Variants in GPD1L observed in about 807,000 individuals in gnomAD.
GPD1L encodes the protein glycerol-3-phosphate dehydrogenase 1-like protein.
GPD1L carries 17 observed loss-of-function variants against 32.9 expected under a neutral mutation model. The observed-to-expected ratio is 0.52, with a 90% CI of 0.35 to 0.78. The LOEUF (loss-of-function observed/expected upper bound fraction) is 0.78, where lower values mean the gene tolerates loss of function less well. GPD1L is among the 30% of genes least tolerant of loss of function. GPD1L has a pLI of 0.01. For synonymous variants in GPD1L, 187 were observed against 165.9 expected (o/e 1.13, Z -0.98); for missense variants, 361 against 447.8 (o/e 0.81, Z 1.75).
rs771610382 is a variant in GPD1L at position 32,138,659 on chromosome 3, A to G, written c.298A>G (p.Ile100Val). 2.0e-5 allele frequency: 33 copies of G among 1,613,800 alleles called. No homozygotes were observed. Among genetic ancestry groups the G allele is most frequent in the Non-Finnish European group, 2.6e-5 (31 of 1,179,806 alleles). ...GGTGTTTGTCATTCCCCACCAGTTCATTCACAGAATCTGTGATGAGATCAC... is the reference window on the plus strand; with the variant it reads ...GGTGTTTGTCATTCCCCACCAGTTCGTTCACAGAATCTGTGATGAGATCAC... ...LLVFVIPHQFIHRICDEITGR... is the reference protein window; with the variant it reads ...LLVFVIPHQFVHRICDEITGR... Residue 100 changes from isoleucine to valine, a missense_variant, in exon 3 of 8, where the codon ATT becomes GTT. Physicochemically the swap from Ile to Val is conservative, Grantham distance 29. Transcript: ENST00000282541.
intron 4 of GPD1L, among the ~76,000 whole-genome samples, chr3:32,142,101 C>T (rs1421438441): frequency 6.7e-6 from 1 of 150,334 alleles, no homozygotes; most frequent in Non-Finnish European, 1.5e-5. Flanking sequence ...CAGCTGCATC[C>T]ATGCTGCAAA....
intron 7 of GPD1L, 59 bp downstream of exon 7, chr3:32,159,733 C>T: frequency 1.9e-6 from 2 of 1,028,328 alleles, no homozygotes; most frequent in Admixed American, 3.4e-5. Context: ...ATTCTCAGGA[C>T]TTCCAGCCCC....
At chr3:32,165,691 G>C in intron 7 of GPD1L, 123 bp from the exon 8 acceptor site, 1 of 714,626 alleles carries the variant, frequency 1.4e-6, no homozygotes, top group Non-Finnish European at 2.6e-6. Flanking sequence ...AATGTAGAAA[G>C]TGCTCACTGT....
intron 7 of GPD1L, among the ~76,000 whole-genome samples, chr3:32,164,908 G>A (rs1701124338): frequency 6.6e-6 from 1 of 152,148 alleles, no homozygotes; most frequent in Non-Finnish European, 1.5e-5. Flanking sequence ...ATGTGTGTGT[G>A]TGTATTTAAA....
At position 32,130,908 on chromosome 3, in the gene GPD1L, G is replaced by A. The variant is rs561852512; in HGVS notation, c.225+2655G>A. The stretch of plus-strand genomic sequence containing the variant: ...CACACCTGTAATCCCGGCTATACTC[G>A]GGAGGCTGAGGCAGGAGAATTGCCT... On this transcript the variant is annotated intron_variant, in intron 2 of 7. Coordinates refer to ENST00000282541, the MANE Select transcript of GPD1L (RefSeq NM_015141.4). 1.2e-4 allele frequency among the ~76,000 whole-genome samples: 19 copies of A among 152,096 alleles called. No individual in the cohort carries two copies. In the South Asian group the frequency reaches 2.7e-3, roughly 22 times the overall value.
At chr3:32,152,094 A>G (rs774428020) in intron 5 of GPD1L, among the ~76,000 whole-genome samples, 1 of 152,200 alleles carries the variant, frequency 6.6e-6, no homozygotes, top group African/African-American at 2.4e-5. Flanking sequence ...TATACTTACC[A>G]GTTCATCATC....
At chr3:32,138,933 T>C (rs1036500693) in intron 3 of GPD1L, among the ~76,000 whole-genome samples, 6 of 152,064 alleles carry the variant, frequency 3.9e-5, no homozygotes, top group African/African-American at 9.7e-5. Context: ...TGCAGCAGAC[T>C]AGCAGCAGCA....
intron 1 of GPD1L, among the ~76,000 whole-genome samples, chr3:32,125,040 T>TA (rs1188725175): frequency 2.0e-5 from 3 of 152,186 alleles, no homozygotes; most frequent in African/African-American, 7.2e-5. Context: ...CCAAAAAAAT[T>TA]ACTGTATAAA....
At chr3:32,163,583 G>T (rs1364590282) in intron 7 of GPD1L, among the ~76,000 whole-genome samples, 1 of 152,120 alleles carries the variant, frequency 6.6e-6, no homozygotes, top group Non-Finnish European at 1.5e-5. Context: ...TTATGTAATA[G>T]AAAATAATAT....
rs561967862 is a variant in GPD1L, at chr3:32,167,305, A to G, written c.*1395A>G. Reference sequence around the variant, plus strand: ...CATTTTTCTAGCCTAGCAAGTCCCAAACACATTACACTGAAGAGATTTTGG... The same window carrying G: ...CATTTTTCTAGCCTAGCAAGTCCCAGACACATTACACTGAAGAGATTTTGG... On this transcript the variant is annotated 3_prime_UTR_variant, in exon 8 of 8. Coordinates refer to ENST00000282541, the MANE Select transcript of GPD1L (RefSeq NM_015141.4). 5 of 152,388 alleles carry G rather than the reference A, an allele frequency of 3.3e-5. No individual in the cohort carries two copies. Among genetic ancestry groups the G allele is most frequent in the South Asian group, 4.1e-4 (2 of 4,824 alleles). The allele number at this position is 152,388 out of a possible 1,614,324, so 9.4% of individuals were successfully genotyped here. A position where few individuals can be genotyped will look rare whatever the true frequency, so the allele number is the denominator to read the frequency against.
intron 5 of GPD1L, chr3:32,151,382 T>C: frequency 1.5e-6 from 1 of 686,982 alleles, no homozygotes. Context: ...AGTTTAGCCA[T>C]GGTGACACTT....
chr3:32,136,249 A>G (rs1296617027), intron 2 of GPD1L, among the ~76,000 whole-genome samples: 1 of 152,226 alleles, frequency 6.6e-6, no homozygotes, highest in African/African-American at 2.4e-5. Flanking sequence ...CAGTAGTTCC[A>G]GACTTCACAG....
chr3:32,159,139 C>A, intron 6 of GPD1L, 30 bp downstream of exon 6: 1 of 1,532,482 alleles, frequency 6.5e-7, no homozygotes, highest in South Asian at 1.1e-5. Context: ...CCCGCACCCC[C>A]TCCTTCCTCA....
chr3:32,120,991 G>A (rs1207502766), intron 1 of GPD1L, among the ~76,000 whole-genome samples: 1 of 152,142 alleles, frequency 6.6e-6, no homozygotes, highest in African/African-American at 2.4e-5. Context: ...GCAGGCGGGT[G>A]TCCATCCAGC....
intron 2 of GPD1L, 97 bp from the exon 3 acceptor site, chr3:32,138,490 T>G: frequency 9.2e-7 from 1 of 1,092,230 alleles, no homozygotes; most frequent in Non-Finnish European, 1.4e-6. Context: ...GCTCTGCACA[T>G]AGTAGGCATC....
At chr3:32,128,902 T>C (rs1314351218) in intron 2 of GPD1L, among the ~76,000 whole-genome samples, 1 of 152,098 alleles carries the variant, frequency 6.6e-6, no homozygotes, top group Non-Finnish European at 1.5e-5. Context: ...AAAGTCAGGG[T>C]CAAGGCCTAA....
chr3:32,135,546 A>T lies in GPD1L; in HGVS notation c.226-3041A>T, dbSNP rs536684288. 1.7e-3 allele frequency among the ~76,000 whole-genome samples: 255 copies of T among 152,188 alleles called. 1 individual carries two copies. Among genetic ancestry groups the T allele is most frequent in the Admixed American group, 3.0e-3 (46 of 15,292 alleles). On this transcript the variant is annotated intron_variant, in intron 2 of 7. Coordinates refer to ENST00000282541, the MANE Select transcript of GPD1L (RefSeq NM_015141.4). ...TGGCTCACTGCAACCTCCCCATCCC[A>T]GGTTCAAGTGATTCTCATGCCTCAG...
At chr3:32,149,744 C>T (rs1173059648) in intron 5 of GPD1L, among the ~76,000 whole-genome samples, 1 of 152,110 alleles carries the variant, frequency 6.6e-6, no homozygotes, top group East Asian at 1.9e-4. Flanking sequence ...GTATGGGAGT[C>T]TTAGACCAGT....
At chr3:32,149,336 C>T (rs1447381626) in intron 5 of GPD1L, among the ~76,000 whole-genome samples, 3 of 152,280 alleles carry the variant, frequency 2.0e-5, no homozygotes, top group Admixed American at 2.0e-4. Context: ...GCTGGGATTA[C>T]AGGCATGACC....
Sources: allele counts gnomAD v4.1 joint callset (sites outside exome capture counted in the v4.1 genomes callset), GRCh38; gene constraint gnomAD v4.1.1; transcripts MANE v1.5; gene names NCBI Gene and HGNC (gene_info 2026-07-23, HGNC 2026-07-21).